Variants in CEP85L observed in about 807,000 individuals in gnomAD.
CEP85L encodes the protein centrosomal protein of 85 kDa-like.
Under a neutral mutation model 100.3 loss-of-function variants are expected in CEP85L, and 60 were observed. The observed-to-expected ratio is 0.60, with a 90% CI of 0.49 to 0.74. The LOEUF is 0.74. CEP85L is among the 30% of genes least tolerant of loss of function. The pLI, the probability that CEP85L is intolerant of heterozygous loss-of-function variation, is 0.00. For synonymous variants in CEP85L, 319 were observed against 322.7 expected (o/e 0.99, Z 0.12); for missense variants, 973 against 936.2 (o/e 1.04, Z -0.51).
intron 2 of CEP85L, among the ~76,000 whole-genome samples, chr6:118,578,158 C>G (rs115217201): frequency 6.6e-6 from 1 of 152,140 alleles, no homozygotes; most frequent in South Asian, 2.1e-4. Flanking sequence ...TGATCTGTAA[C>G]GAGCACTTGT....
chr6:118,704,476 T>C (rs1777527971), intron 1 of CEP85L, among the ~76,000 whole-genome samples: 1 of 152,120 alleles, frequency 6.6e-6, no homozygotes, highest in Non-Finnish European at 1.5e-5. Flanking sequence ...TTTGTTTTGC[T>C]TTTTTGTTTT....
At chr6:118,600,332 T>C (rs1781702368) in intron 2 of CEP85L, among the ~76,000 whole-genome samples, 1 of 120,926 alleles carries the variant, frequency 8.3e-6, no homozygotes, top group African/African-American at 3.1e-5. Flanking sequence ...TGTGTGTGTG[T>C]GTGTGTGTGT....
intron 1 of CEP85L, among the ~76,000 whole-genome samples, chr6:118,648,484 G>A (rs1213508903): frequency 2.0e-5 from 3 of 152,128 alleles, no homozygotes; most frequent in Admixed American, 6.5e-5. Context: ...GCTCACGCCT[G>A]TAATCCCAGC....
In CEP85L at chr6:118,483,850, A is replaced by G; in HGVS notation, c.1446T>C (p.Thr482=). 6.2e-7 allele frequency: 1 copy of G among 1,612,222 alleles called. No homozygotes were observed. The highest frequency in any genetic ancestry group is 8.5e-7 in the Non-Finnish European group (1 of 1,179,488). ...TCAGACTACTGATGTATCGATCTCTAGTTTTAAGCTAAAAGCAAACAATTA... is the reference window on the plus strand; with the variant it reads ...TCAGACTACTGATGTATCGATCTCTGGTTTTAAGCTAAAAGCAAACAATTA... ...EKKKLEEKLK[T]RDRYISSLKK... Residue 482 remains threonine, a synonymous_variant, in exon 7 of 13, where the codon ACT becomes ACC. Transcript: ENST00000368491.
intron 1 of CEP85L, among the ~76,000 whole-genome samples, chr6:118,690,948 T>C (rs1196509480): frequency 1.3e-5 from 2 of 150,968 alleles, no homozygotes; most frequent in Non-Finnish European, 2.9e-5. Context: ...GAGTGATTGT[T>C]ATCACACCAC....
chr6:118,634,196 G>A (rs1774345548), intron 1 of CEP85L, among the ~76,000 whole-genome samples: 1 of 152,112 alleles, frequency 6.6e-6, no homozygotes, highest in Non-Finnish European at 1.5e-5. Context: ...ATGCCTTCTG[G>A]CAGTTTAAAC....
At position 118,627,631 on chromosome 6, in the gene CEP85L, G is replaced by A. The variant is rs146057340; in HGVS notation, c.232+4822C>T. 3.5e-3 allele frequency among the ~76,000 whole-genome samples: 528 copies of A among 152,272 alleles called. 2 individuals are homozygous for A. The highest frequency in any genetic ancestry group is 0.011 in the African/African-American group (461 of 41,546). On this transcript the variant is annotated intron_variant, in intron 2 of 12. Transcript: ENST00000368491. ...GAGTTAAAAATTCCAAAACGACCCC[G>A]TCATAGGGAGACTACCAGACTTTTA...
chr6:118,608,697 C>A (rs79447539), intron 2 of CEP85L, among the ~76,000 whole-genome samples: 1 of 152,066 alleles, frequency 6.6e-6, no homozygotes, highest in Admixed American at 6.5e-5. Flanking sequence ...TTTCCATATA[C>A]GCATGTGTTT....
intron 2 of CEP85L, among the ~76,000 whole-genome samples, chr6:118,567,247 G>GTATATATATA (rs1323097174): frequency 6.3e-5 from 2 of 31,912 alleles, no homozygotes; most frequent in Non-Finnish European, 1.2e-4. Flanking sequence ...GTGTGTGTGT[G>GTATATATATA]TGTATATATA....
intron 2 of CEP85L, among the ~76,000 whole-genome samples, chr6:118,617,579 C>G (rs1041941903): frequency 6.6e-6 from 1 of 152,210 alleles, no homozygotes; most frequent in African/African-American, 2.4e-5. Flanking sequence ...CTTCCCGCCT[C>G]ACATATCTCC....
intron 2 of CEP85L, among the ~76,000 whole-genome samples, chr6:118,593,097 A>C (rs1370806293): frequency 6.6e-6 from 1 of 152,234 alleles, no homozygotes; most frequent in East Asian, 1.9e-4. Context: ...TACATAAGCA[A>C]GGAAAAGAGA....
At chr6:118,649,550 G>C (rs1018834704) in intron 1 of CEP85L, among the ~76,000 whole-genome samples, 1 of 152,126 alleles carries the variant, frequency 6.6e-6, no homozygotes, top group African/African-American at 2.4e-5. Flanking sequence ...TAATAGGTTA[G>C]ATTGCAAAGA....
chr6:118,653,745 G>GTA (rs1261530118), upstream of CEP85L, among the ~76,000 whole-genome samples: 50 of 126,106 alleles, frequency 4.0e-4, no homozygotes, highest in African/African-American at 1.3e-3. Flanking sequence ...TAGTGACTCT[G>GTA]TGTATGTGTG....
intron 8 of CEP85L, 119 bp from the exon 9 acceptor site, chr6:118,480,632 A>G (rs1773709182): frequency 3.1e-6 from 2 of 639,858 alleles, no homozygotes; most frequent in Non-Finnish European, 5.5e-6. Context: ...AAATGACATC[A>G]AGACCCACAG....
intron 1 of CEP85L, among the ~76,000 whole-genome samples, chr6:118,703,005 A>C (rs889073305): frequency 2.6e-5 from 4 of 151,928 alleles, no homozygotes; most frequent in Non-Finnish European, 5.9e-5. Flanking sequence ...CAAAAAAAAA[A>C]AAAAAAAAAA....
chr6:118,669,185 A>T (rs1009165768), intron 1 of CEP85L, among the ~76,000 whole-genome samples: 3 of 152,208 alleles, frequency 2.0e-5, no homozygotes, highest in African/African-American at 7.2e-5. Context: ...GAGGTAACAG[A>T]TAGGGCTCCA....
intron 5 of CEP85L, among the ~76,000 whole-genome samples, chr6:118,499,958 T>A (rs1462829170): frequency 1.3e-5 from 2 of 152,094 alleles, no homozygotes; most frequent in Non-Finnish European, 2.9e-5. Context: ...CCATCATTGT[T>A]CACAGATAAC....
intron 1 of CEP85L, among the ~76,000 whole-genome samples, chr6:118,680,126 CA>C (rs58816782): frequency 3.7e-4 from 55 of 149,992 alleles, no homozygotes; most frequent in Admixed American, 1.6e-3. Flanking sequence ...ACCCCAGCTC[CA>C]AAAAAAAATT....
chr6:118,545,446 G>C (rs1778140357), intron 3 of CEP85L, among the ~76,000 whole-genome samples: 1 of 152,096 alleles, frequency 6.6e-6, no homozygotes, highest in African/African-American at 2.4e-5. Flanking sequence ...AAGTTAGCTG[G>C]GCGTGGTGGC....
Sources: gnomAD v4.1 joint callset for allele counts (sites outside exome capture counted in the v4.1 genomes callset) on GRCh38, gnomAD v4.1.1 for gene constraint, MANE v1.5 for transcripts, NCBI Gene and HGNC (gene_info 2026-07-23, HGNC 2026-07-21) for gene names.